Variants in BBS9 observed in about 807,000 individuals in gnomAD.
BBS9 encodes protein PTHB1.
BBS9 carries 89 observed loss-of-function variants against 117.7 expected under a neutral mutation model. That is an observed-to-expected ratio of 0.76 (90% CI 0.64 to 0.90). The LOEUF is 0.90. Among genes scored for constraint, BBS9 ranks in the 40% least tolerant of loss-of-function variants. The pLI is 0.00. For synonymous variants in BBS9, 379 were observed against 370.9 expected (o/e 1.02, Z -0.25); for missense variants, 982 against 1,042.2 (o/e 0.94, Z 0.80).
At chr7:33,390,321 G>A (rs563799594) in intron 19 of BBS9, 43 of 985,088 alleles carry the variant, frequency 4.4e-5, no homozygotes, top group East Asian at 2.3e-4. Context: ...GTAAGACTTC[G>A]TCTTTTATAC....
intron 19 of BBS9, among the ~76,000 whole-genome samples, chr7:33,428,643 A>G (rs778967449): frequency 9.2e-5 from 14 of 152,198 alleles, no homozygotes; most frequent in Non-Finnish European, 1.3e-4. Flanking sequence ...TTGCAACACT[A>G]TCTTGTCCTC....
intron 19 of BBS9, among the ~76,000 whole-genome samples, chr7:33,392,042 T>G (rs1029609303): frequency 6.6e-6 from 1 of 152,220 alleles, no homozygotes; most frequent in Non-Finnish European, 1.5e-5. Context: ...CTTTTTTCAC[T>G]CCATCTGGAA....
chr7:33,290,984 G>T (rs913196729), intron 9 of BBS9, among the ~76,000 whole-genome samples: 5 of 152,184 alleles, frequency 3.3e-5, no homozygotes, highest in African/African-American at 1.2e-4. Flanking sequence ...TTTCAGTTCA[G>T]TAAATATACC....
intron 19 of BBS9, among the ~76,000 whole-genome samples, chr7:33,433,083 A>G (rs570903621): frequency 6.6e-6 from 1 of 152,320 alleles, no homozygotes; most frequent in South Asian, 2.1e-4. Flanking sequence ...ACCACATGCT[A>G]GGAGGCACTT....
At chr7:33,369,168 A>G (rs1015576163) in intron 17 of BBS9, among the ~76,000 whole-genome samples, 6 of 152,158 alleles carry the variant, frequency 3.9e-5, no homozygotes, top group Non-Finnish European at 7.4e-5. Flanking sequence ...GGATGGTAGA[A>G]CCATTTTGGT....
At chr7:33,174,298 T>C (rs572934386) in intron 4 of BBS9, among the ~76,000 whole-genome samples, 4 of 152,320 alleles carry the variant, frequency 2.6e-5, no homozygotes, top group African/African-American at 9.6e-5. Context: ...TCAGCTCTCC[T>C]GGGGGTTGTT....
intron 14 of BBS9, 116 bp downstream of exon 14, chr7:33,351,439 T>C: frequency 1.3e-6 from 1 of 783,028 alleles, no homozygotes. Flanking sequence ...AATGTTATTT[T>C]CTACTGTTAA....
chr7:33,214,115 A>C (rs1027233482), intron 5 of BBS9, among the ~76,000 whole-genome samples: 1 of 152,202 alleles, frequency 6.6e-6, no homozygotes, highest in South Asian at 2.1e-4. Flanking sequence ...ATCCGAGAGC[A>C]CTTTGGTTCA....
At chr7:33,282,039 C>T (rs1313591050) in intron 9 of BBS9, among the ~76,000 whole-genome samples, 1 of 152,086 alleles carries the variant, frequency 6.6e-6, no homozygotes, top group African/African-American at 2.4e-5. Flanking sequence ...GTCTTGAACT[C>T]CTAGCCCCAA....
At chr7:33,468,418 A>G (rs532082249) in intron 19 of BBS9, among the ~76,000 whole-genome samples, 3 of 152,280 alleles carry the variant, frequency 2.0e-5, no homozygotes, top group African/African-American at 7.2e-5. Context: ...AATTGTACAT[A>G]TTTATGGGAT....
chr7:33,518,245 C>CTTTTTTTT (rs747829401), intron 20 of BBS9, among the ~76,000 whole-genome samples: 36 of 93,930 alleles, frequency 3.8e-4, no homozygotes, highest in Non-Finnish European at 5.4e-4. Context: ...TGTATATATT[C>CTTTTTTTT]TTTTTTTTTT....
intron 21 of BBS9, among the ~76,000 whole-genome samples, chr7:33,616,859 C>T (rs1482401740): frequency 2.0e-5 from 3 of 151,956 alleles, no homozygotes; most frequent in Non-Finnish European, 4.4e-5. Context: ...TCACCCCTCT[C>T]CCAACCTTCC....
At chr7:33,215,689 C>T (rs546599371) in intron 5 of BBS9, among the ~76,000 whole-genome samples, 7 of 152,152 alleles carry the variant, frequency 4.6e-5, no homozygotes, top group South Asian at 4.2e-4. Context: ...AATGAAATCC[C>T]GGCATTTGCA....
intron 21 of BBS9, among the ~76,000 whole-genome samples, chr7:33,593,320 C>T (rs895851676): frequency 1.3e-5 from 2 of 152,004 alleles, no homozygotes; most frequent in Non-Finnish European, 1.5e-5. Flanking sequence ...TTTTGTATTC[C>T]TGTTTGGAGG....
intron 16 of BBS9, among the ~76,000 whole-genome samples, chr7:33,359,642 G>A (rs1820263901): frequency 6.6e-6 from 1 of 151,962 alleles, no homozygotes. Flanking sequence ...TTTAAAATAA[G>A]TATCACTTCA....
intron 20 of BBS9, among the ~76,000 whole-genome samples, chr7:33,520,338 G>A (rs2129040633): frequency 6.6e-6 from 1 of 152,248 alleles, no homozygotes; most frequent in East Asian, 1.9e-4. Flanking sequence ...TTCTGTTGCT[G>A]TTGCTGCTAT....
At chr7:33,430,804 T>A (rs1834328686) in intron 19 of BBS9, among the ~76,000 whole-genome samples, 1 of 152,154 alleles carries the variant, frequency 6.6e-6, no homozygotes, top group South Asian at 2.1e-4. Flanking sequence ...GCCTCTCCCT[T>A]GTTGGCTGTT....
At chr7:33,606,373 G>T (rs555687258), downstream of BBS9, among the ~76,000 whole-genome samples, 1 of 152,134 alleles carries the variant, frequency 6.6e-6, no homozygotes, top group Non-Finnish European at 1.5e-5. Context: ...GGATTCTATT[G>T]GATGCTGTCT....
At chr7:33,308,189 A>G (rs1392116534) in intron 9 of BBS9, among the ~76,000 whole-genome samples, 2 of 152,194 alleles carry the variant, frequency 1.3e-5, no homozygotes, top group Admixed American at 6.5e-5. Context: ...TGAAGACATC[A>G]TTAGTAGGAA....
Sources: gnomAD v4.1 joint callset for allele counts (sites outside exome capture counted in the v4.1 genomes callset) on GRCh38, gnomAD v4.1.1 for gene constraint, MANE v1.5 for transcripts, NCBI Gene and HGNC (gene_info 2026-07-23, HGNC 2026-07-21) for gene names.